Variants in DDX19A observed in about 807,000 individuals in gnomAD.
The protein encoded by DDX19A is DEAD-box helicase 19A.
In DDX19A, 12 loss-of-function variants were observed where a neutral mutation model predicts 60.6. The observed-to-expected ratio is 0.20, with a 90% confidence interval of 0.13 to 0.32. The LOEUF is 0.32. DDX19A is among the 10% of genes least tolerant of loss of function. The probability of loss-of-function intolerance (pLI) is 1.00; values close to 1 mark genes in which losing one functional copy is unlikely to be tolerated. For missense variants in DDX19A, 337 were observed against 600.6 expected (o/e 0.56, Z 4.59); for synonymous variants, 206 against 218.2 (o/e 0.94, Z 0.49).
intron 3 of DDX19A, 90 bp from the exon 4 acceptor site, chr16:70,356,022 A>AGG: frequency 2.6e-6 from 4 of 1,546,568 alleles, no homozygotes. Context: ...TTGACTGCCC[A>AGG]GGTGCTAGTG....
chr16:70,350,575 A>G lies in DDX19A; in HGVS notation c.76A>G (p.Lys26Glu), dbSNP rs778788766. Residue 26 changes from lysine (K) to glutamate (E), a missense_variant, in exon 2 of 12, where the codon AAG becomes GAG. Physicochemically the swap from Lys to Glu is moderately conservative, Grantham distance 56. This residue lies in a region of DDX19A where 127 missense variants were observed against 160.3 expected (regional missense o/e 0.79). Coordinates refer to ENST00000302243, the MANE Select transcript of DDX19A (RefSeq NM_018332.5). ...TATTCAGATGACCAATTTGCAGATC[A>G]AGGAAGAGAAAGTCAAAGCAGATAC... ...AVKSMTNLQI[K>E]EEKVKADTNG... 4.3e-6 allele frequency: 7 copies of G among 1,612,380 alleles called. No individual in the cohort carries two copies. Among genetic ancestry groups the G allele is most frequent in the Non-Finnish European group, 5.9e-6 (7 of 1,179,308 alleles).
intron 9 of DDX19A, among the ~76,000 whole-genome samples, chr16:70,369,223 A>G (rs1470412086): frequency 8.7e-6 from 1 of 114,440 alleles, no homozygotes; most frequent in Admixed American, 1.3e-4. Context: ...CCTCTTGCCC[A>G]GGCTGGAGTG....
In DDX19A at chr16:70,361,037, C is replaced by T. The variant is rs1964349186; in HGVS notation, c.294-381C>T. 5 of 231,574 alleles carry T rather than the reference C, an allele frequency of 2.2e-5. No homozygotes were observed. The South Asian group carries it at 2.7e-4, about 12-fold the overall frequency. The allele number at this position is 231,574 out of a possible 1,614,324, so 14.3% of individuals were successfully genotyped here. On this transcript the variant is annotated intron_variant, in intron 4 of 11. Coordinates refer to ENST00000302243, the MANE Select transcript of DDX19A (RefSeq NM_018332.5). ...AGATTACAGGCATGAGTCACTGTAC[C>T]TGACCTGTTTTTAGATATATCTTTT...
chr16:70,364,347 C>A (rs1964456590), intron 5 of DDX19A, 196 bp from the exon 6 acceptor site: 3 of 568,014 alleles, frequency 5.3e-6, no homozygotes, highest in Non-Finnish European at 9.5e-6. Flanking sequence ...TTAAAATAAT[C>A]ATTTATTTTA....
chr16:70,349,727 T>A (rs1384307406), intron 1 of DDX19A, among the ~76,000 whole-genome samples: 2 of 152,212 alleles, frequency 1.3e-5, no homozygotes, highest in Non-Finnish European at 2.9e-5. Flanking sequence ...CATCAGATCT[T>A]CTCTGAAAGA....
chr16:70,348,304 A>G (rs899731630), intron 1 of DDX19A, among the ~76,000 whole-genome samples: 3 of 152,010 alleles, frequency 2.0e-5, no homozygotes, highest in Non-Finnish European at 4.4e-5. Context: ...CAGGAATAGG[A>G]AAGTGGGAGG....
Position 70,370,316 on chromosome 16 carries a change from G to A in DDX19A, c.1114G>A (p.Ala372Thr). The A allele has an allele frequency of 6.2e-7, 1 of 1,614,148 alleles. No homozygotes were observed. ...TGGGGAGATGATGGTGGAGCAGAGG[G>A]CTGCGGTGATTGAGCGCTTCCGAGA... is the stretch of plus-strand genomic sequence containing the variant. Reference protein sequence around the residue: ...LSGEMMVEQRAAVIERFREGK... With the variant: ...LSGEMMVEQRTAVIERFREGK... Residue 372 changes from alanine (A) to threonine (T), a missense_variant, in exon 10 of 12, where the codon GCT becomes ACT. By Grantham distance (58) the Ala-to-Thr change is moderately conservative. Around this residue, in one of 6 missense-constraint regions of DDX19A, gnomAD observed 117 missense variants for 274.3 expected, o/e 0.43. Coordinates refer to ENST00000302243, the MANE Select transcript of DDX19A (RefSeq NM_018332.5).
intron 7 of DDX19A, 57 bp from the exon 8 acceptor site, chr16:70,366,027 AT>A: frequency 6.2e-7 from 1 of 1,613,406 alleles, no homozygotes; most frequent in Non-Finnish European, 8.5e-7. Context: ...CAGGGCTTTG[AT>A]TTCCAGAGCT....
At chr16:70,365,765 G>A (rs902553663) in intron 7 of DDX19A, 2 of 400,202 alleles carry the variant, frequency 5.0e-6, no homozygotes, top group South Asian at 2.2e-5. Flanking sequence ...GGGCAACAGA[G>A]TGAGACCCTG....
chr16:70,353,886 G>A (rs573448634), intron 2 of DDX19A, among the ~76,000 whole-genome samples: 20 of 145,994 alleles, frequency 1.4e-4, no homozygotes, highest in African/African-American at 5.0e-4. Context: ...GGGCAACAGA[G>A]TGAGACTCTG....
In DDX19A at chr16:70,356,081, G is replaced by A. The variant is rs199921188; in HGVS notation, c.158-31G>A. ...CATAAGCCTGGGGTTTGCCAGATGA[G>A]TATGAAGATCTACTGGTTTCTTCCT... On this transcript the variant is annotated intron_variant, in intron 3 of 11. Transcript: ENST00000302243. 6.2e-5 allele frequency: 100 copies of A among 1,612,484 alleles called. No homozygotes were observed. The Middle Eastern group carries it at 8.2e-4, about 13-fold the overall frequency.
At position 70,346,968 on chromosome 16, in the gene DDX19A, A is replaced by G; in HGVS notation, c.-24A>G. ...ACGTGGTGCAGCGCATATTTTCACA[A>G]GTGGGTCTCCCTTGTCCGGGACTAT... On this transcript the variant is annotated 5_prime_UTR_variant, in exon 1 of 12. Coordinates refer to ENST00000302243, the MANE Select transcript of DDX19A (RefSeq NM_018332.5). The G allele has an allele frequency of 6.2e-7, 1 of 1,601,062 alleles. No individual in the cohort carries two copies. The highest frequency in any genetic ancestry group is 8.5e-7 in the Non-Finnish European group (1 of 1,177,940).
chr16:70,348,269 A>G (rs1011346266), intron 1 of DDX19A, among the ~76,000 whole-genome samples: 1 of 152,104 alleles, frequency 6.6e-6, no homozygotes, highest in African/African-American at 2.4e-5. Flanking sequence ...CCTGGATCCT[A>G]TTGGTACTAC....
At chr16:70,348,128 A>G (rs1369266550) in intron 1 of DDX19A, 2 of 276,268 alleles carry the variant, frequency 7.2e-6, no homozygotes, top group African/African-American at 4.7e-5. Context: ...TAGCCCCGAG[A>G]TAGAGGGCCT....
At chr16:70,351,334 TAG>T (rs1167800352) in intron 2 of DDX19A, among the ~76,000 whole-genome samples, 2 of 151,828 alleles carry the variant, frequency 1.3e-5, no homozygotes, top group African/African-American at 4.8e-5. Context: ...GCCTCCCAGG[TAG>T]CTGAGACTAC....
At chr16:70,371,121 T>G in intron 10 of DDX19A, 1 of 645,672 alleles carries the variant, frequency 1.5e-6, no homozygotes, top group South Asian at 2.0e-5. Context: ...GGCGCCCATC[T>G]CCAGAACATT....
chr16:70,371,252 G>C (rs1296782972), intron 10 of DDX19A, 120 bp from the exon 11 acceptor site: 1 of 1,568,702 alleles, frequency 6.4e-7, no homozygotes, highest in South Asian at 1.2e-5. Flanking sequence ...ACCCAGAGTT[G>C]GCCTGTCCCA....
At chr16:70,347,549 G>A (rs993993352) in intron 1 of DDX19A, among the ~76,000 whole-genome samples, 2 of 152,164 alleles carry the variant, frequency 1.3e-5, no homozygotes, top group Admixed American at 6.6e-5. Flanking sequence ...GTAAAGTAAC[G>A]GTTTCATGTA....
chr16:70,356,847 A>G (rs1964204982), intron 4 of DDX19A: 2 of 1,260,032 alleles, frequency 1.6e-6, no homozygotes, highest in Middle Eastern at 2.2e-4. Context: ...TACTCTTAGA[A>G]CTTTCAATAA....
Sources: allele counts gnomAD v4.1 joint callset (sites outside exome capture counted in the v4.1 genomes callset), GRCh38; gene constraint gnomAD v4.1.1; regional missense constraint gnomAD v4.1.1; transcripts MANE v1.5; gene names NCBI Gene and HGNC (gene_info 2026-07-23, HGNC 2026-07-21).